Variants in DNAH5 observed in about 807,000 individuals in gnomAD.
DNAH5 encodes axonemal beta dynein heavy chain 5.
In DNAH5, 372 loss-of-function variants were observed where a neutral mutation model predicts 518.2. The ratio of observed to expected loss-of-function variants is 0.72; its 90% CI spans 0.66 to 0.78. The LOEUF (loss-of-function observed/expected upper bound fraction) is 0.78. Ranked by LOEUF, DNAH5 falls within the 30% of genes least tolerant of loss-of-function variation. DNAH5 has a pLI of 0.00. For missense variants in DNAH5, 5,523 were observed against 5,687.0 expected (o/e 0.97, Z 0.93); for synonymous variants, 2,039 against 2,025.9 (o/e 1.01, Z -0.17).
chr5:13,981,724 C>G (rs776965422), intron 1 of DNAH5, among the ~76,000 whole-genome samples: 4 of 152,130 alleles, frequency 2.6e-5, no homozygotes, highest in Admixed American at 6.5e-5. Flanking sequence ...AATAACAGAT[C>G]AATATCTTGA....
chr5:13,960,728 G>A (rs1272209842), intron 1 of DNAH5, among the ~76,000 whole-genome samples: 1 of 152,246 alleles, frequency 6.6e-6, no homozygotes, highest in East Asian at 1.9e-4. Context: ...TCACCTCCCT[G>A]GGAGTCCCTC....
At chr5:13,944,308 T>C (rs1012975569) in intron 1 of DNAH5, 74 bp downstream of exon 1, 1 of 1,467,374 alleles carries the variant, frequency 6.8e-7, no homozygotes. Flanking sequence ...TTTTTCAAGT[T>C]TGTTTTTTCC....
chr5:13,973,067 T>G (rs981185163), intron 1 of DNAH5, among the ~76,000 whole-genome samples: 13 of 152,096 alleles, frequency 8.5e-5, no homozygotes, highest in African/African-American at 1.4e-4. Flanking sequence ...GAGGGGGAGA[T>G]GAGCCTGGAT....
intron 17 of DNAH5, among the ~76,000 whole-genome samples, chr5:13,887,260 T>G (rs1772562605): frequency 6.6e-6 from 1 of 152,216 alleles, no homozygotes; most frequent in African/African-American, 2.4e-5. Flanking sequence ...TTCTAGAAGA[T>G]GAGATTGATA....
chr5:13,783,939 G>A (rs182877902), intron 52 of DNAH5, among the ~76,000 whole-genome samples: 5 of 152,246 alleles, frequency 3.3e-5, no homozygotes, highest in Admixed American at 1.3e-4. Context: ...CTCTAGTCAC[G>A]GATTCTTCAG....
Position 13,885,318 on chromosome 5 carries a change from T to C in DNAH5, c.2744-90A>G, listed in dbSNP as rs966422718. ...ATAGATAGACAGATAGATAGAATCA[T>C]CTGTTGCAATTAAAGGATAAATTAC... On this transcript the variant is annotated intron_variant, in intron 18 of 78. Coordinates refer to ENST00000265104, the MANE Select transcript of DNAH5 (RefSeq NM_001369.3). The C allele has an allele frequency of 1.4e-5, 21 of 1,480,420 alleles. No homozygotes were observed. In the African/African-American group the frequency reaches 2.5e-4, roughly 18 times the overall value. 91.7% of individuals were successfully genotyped at this position (1,480,420 alleles called of 1,614,324 possible).
rs150156413 is a variant in DNAH5 at position 13,703,696 on chromosome 5, A to G, written c.13339-2260T>C. ...TTTTTCCACTCCTATATTTCCTTCT[A>G]TGGGGAGAGAGCTCCTTTCATATAA... On this transcript the variant is annotated intron_variant, in intron 76 of 78. Transcript: ENST00000265104. Among the ~76,000 whole-genome samples, 324 of 152,092 alleles carry G rather than the reference A, an allele frequency of 2.1e-3. 1 individual carries two copies. The highest frequency in any genetic ancestry group is 0.01 in the Middle Eastern group (3 of 294).
chr5:13,843,898 T>TATC (rs1765602955), intron 32 of DNAH5, among the ~76,000 whole-genome samples: 1 of 151,340 alleles, frequency 6.6e-6, no homozygotes, highest in Non-Finnish European at 1.5e-5. Flanking sequence ...AGTCCAAAAT[T>TATC]ATCAGCAATT....
At chr5:13,731,347 A>G (rs192711794) in intron 68 of DNAH5, among the ~76,000 whole-genome samples, 12 of 152,350 alleles carry the variant, frequency 7.9e-5, no homozygotes, top group Admixed American at 7.2e-4. Context: ...CAACAAATTG[A>G]AAAGAGTAAG....
intron 60 of DNAH5, among the ~76,000 whole-genome samples, chr5:13,761,034 G>A (rs1035293113): frequency 1.3e-5 from 2 of 152,206 alleles, no homozygotes; most frequent in Non-Finnish European, 2.9e-5. Flanking sequence ...AGACTTCTCA[G>A]AAAGAAAAGC....
At chr5:13,880,069 T>C (rs926800541) in intron 21 of DNAH5, among the ~76,000 whole-genome samples, 1 of 152,122 alleles carries the variant, frequency 6.6e-6, no homozygotes, top group African/African-American at 2.4e-5. Context: ...AAGTGTTTCA[T>C]TGTATGTAAG....
exon 1 of DNAH5, among the ~76,000 whole-genome samples, chr5:14,011,708 C>T (rs1785148481): frequency 6.6e-6 from 1 of 152,142 alleles, no homozygotes; most frequent in Non-Finnish European, 1.5e-5. Context: ...TCCCCCGGTG[C>T]AGGGAGGACC....
intron 17 of DNAH5, among the ~76,000 whole-genome samples, chr5:13,889,850 A>G (rs1021809553): frequency 5.3e-5 from 8 of 152,106 alleles, no homozygotes; most frequent in Non-Finnish European, 1.2e-4. Flanking sequence ...GCATCTCTTA[A>G]CTATGTCAGG....
chr5:13,999,748 T>C (rs971920300), intron 1 of DNAH5, among the ~76,000 whole-genome samples: 1 of 152,218 alleles, frequency 6.6e-6, no homozygotes, highest in African/African-American at 2.4e-5. Context: ...TGGTATTTGT[T>C]AATTTTTTAA....
rs1744695650 is a variant in DNAH5 at position 13,719,055 on chromosome 5, A to G, written c.12326T>C (p.Met4109Thr). 1.9e-6 allele frequency: 3 copies of G among 1,614,150 alleles called. No individual in the cohort carries two copies. Among genetic ancestry groups the G allele is most frequent in the Admixed American group, 3.3e-5 (2 of 60,020 alleles). The change falls in exon 72 of 79, where the codon ATG becomes ACG. Residue 4109 changes from methionine to threonine, a missense_variant. By Grantham distance (81) the Met-to-Thr change is moderately conservative (BLOSUM62 -1). Coordinates refer to ENST00000265104, the MANE Select transcript of DNAH5 (RefSeq NM_001369.3). ...TATGATTATGTCCATCAGCTCATCCATGAAATCAAGTCCCAGATGGCAGTT... is the reference window on the plus strand; with the variant it reads ...TATGATTATGTCCATCAGCTCATCCGTGAAATCAAGTCCCAGATGGCAGTT... ...LQNCHLGLDF[M>T]DELMDIIIET... is the part of the protein sequence containing the mutation.
intron 60 of DNAH5, among the ~76,000 whole-genome samples, chr5:13,762,502 G>A (rs543816896): frequency 1.3e-5 from 2 of 152,234 alleles, no homozygotes; most frequent in African/African-American, 4.8e-5. Flanking sequence ...TCCTTGTAGA[G>A]AGTCTGTCCC....
At chr5:13,875,465 C>CAAAAAAA (rs70964513) in intron 22 of DNAH5, among the ~76,000 whole-genome samples, 5 of 105,974 alleles carry the variant, frequency 4.7e-5, no homozygotes, top group Admixed American at 1.1e-4. Context: ...GAAACTCCTT[C>CAAAAAAA]AAAAAAAAAA....
intron 75 of DNAH5, among the ~76,000 whole-genome samples, chr5:13,713,016 T>G (rs1743710789): frequency 6.6e-6 from 1 of 151,668 alleles, no homozygotes; most frequent in South Asian, 2.1e-4. Context: ...TACTTGCACA[T>G]GCATGTTTAC....
intron 50 of DNAH5, among the ~76,000 whole-genome samples, chr5:13,791,153 G>A (rs1756927933): frequency 6.6e-6 from 1 of 152,028 alleles, no homozygotes; most frequent in African/African-American, 2.4e-5. Flanking sequence ...CAAGCATCTG[G>A]ACAGAGGTGA....
Sources: gnomAD v4.1 joint callset for allele counts (sites outside exome capture counted in the v4.1 genomes callset) on GRCh38, gnomAD v4.1.1 for gene constraint, MANE v1.5 for transcripts, NCBI Gene and HGNC (gene_info 2026-07-23, HGNC 2026-07-21) for gene names.